PAPPA2: variants seen among roughly 807,000 people sequenced by gnomAD.
The protein encoded by PAPPA2 is pappalysin-2.
PAPPA2 carries 86 observed loss-of-function variants against 176.4 expected under a neutral mutation model. That is an observed-to-expected ratio of 0.49 (90% CI 0.41 to 0.58). The LOEUF (loss-of-function observed/expected upper bound fraction) is 0.58, where lower values mean the gene tolerates loss of function less well. PAPPA2 is among the 20% of genes least tolerant of loss of function. PAPPA2 has a pLI of 0.00. For missense variants in PAPPA2, 2,073 were observed against 2,256.9 expected, an observed-to-expected ratio of 0.92 and a Z score of 1.65; for synonymous variants, 809 against 852.2, an observed-to-expected ratio of 0.95 and a Z score of 0.88.
At chr1:176,602,076 G>A (rs1472403854) in intron 3 of PAPPA2, among the ~76,000 whole-genome samples, 1 of 152,150 alleles carries the variant, frequency 6.6e-6, no homozygotes, top group Non-Finnish European at 1.5e-5. Flanking sequence ...CAATCATCTA[G>A]TGTCTGACCA....
intron 3 of PAPPA2, among the ~76,000 whole-genome samples, chr1:176,598,850 G>GT (rs891475755): frequency 3.3e-5 from 5 of 151,900 alleles, no homozygotes; most frequent in African/African-American, 4.8e-5. Flanking sequence ...TCTTCAATGC[G>GT]TTTTTTTGGG....
At chr1:176,613,924 C>T (rs1024034024) in intron 3 of PAPPA2, among the ~76,000 whole-genome samples, 4 of 152,188 alleles carry the variant, frequency 2.6e-5, no homozygotes, top group African/African-American at 9.7e-5. Flanking sequence ...CAAACAGCAT[C>T]TCTTTTTGCA....
At chr1:176,701,475 T>G (rs1257663718) in intron 8 of PAPPA2, among the ~76,000 whole-genome samples, 1 of 152,208 alleles carries the variant, frequency 6.6e-6, no homozygotes, top group Non-Finnish European at 1.5e-5. Context: ...ATGAGAGGTT[T>G]GCTTCTCTGG....
chr1:176,654,740 A>G (rs1037886572), intron 3 of PAPPA2, among the ~76,000 whole-genome samples: 7 of 151,672 alleles, frequency 4.6e-5, no homozygotes, highest in Admixed American at 1.3e-4. Flanking sequence ...TGCATCATCT[A>G]CAATTTTATA....
chr1:176,604,434 G>A (rs924709714), intron 3 of PAPPA2, among the ~76,000 whole-genome samples: 1 of 152,168 alleles, frequency 6.6e-6, no homozygotes, highest in African/African-American at 2.4e-5. Context: ...GTTAAAAAAA[G>A]GAATGTTCTT....
At chr1:176,689,685 C>T (rs1301751451) in intron 4 of PAPPA2, among the ~76,000 whole-genome samples, 1 of 152,184 alleles carries the variant, frequency 6.6e-6, no homozygotes, top group Non-Finnish European at 1.5e-5. Context: ...ATCAGATTTC[C>T]TTGACTCCAA....
chr1:176,481,589 A>G (rs975058513), intron 1 of PAPPA2, among the ~76,000 whole-genome samples: 4 of 152,200 alleles, frequency 2.6e-5, no homozygotes, highest in Non-Finnish European at 5.9e-5. Context: ...TCTGCTGCAG[A>G]CTTCATCAAA....
chr1:176,722,925 A>G (rs1661691124), intron 12 of PAPPA2, among the ~76,000 whole-genome samples: 2 of 152,178 alleles, frequency 1.3e-5, no homozygotes, highest in Admixed American at 1.3e-4. Flanking sequence ...ACCGTGTTTT[A>G]GTCTGCCTTC....
chr1:176,702,798 AG>A, intron 9 of PAPPA2, 63 bp downstream of exon 9: 3 of 1,500,598 alleles, frequency 2.0e-6, no homozygotes, highest in Non-Finnish European at 2.7e-6. Context: ...AGAGAGAGAG[AG>A]AGAGGGAGGG....
At chr1:176,741,305 A>G (rs865972531) in intron 14 of PAPPA2, among the ~76,000 whole-genome samples, 41 of 152,216 alleles carry the variant, frequency 2.7e-4, no homozygotes, top group African/African-American at 9.6e-4. Context: ...TGTGGCTACT[A>G]TCAGGCCTCA....
intron 21 of PAPPA2, among the ~76,000 whole-genome samples, chr1:176,815,410 C>G (rs982568436): frequency 6.6e-6 from 1 of 152,084 alleles, no homozygotes; most frequent in Non-Finnish European, 1.5e-5. Flanking sequence ...CAGTTCCTAC[C>G]CCTCTGCTCC....
intron 3 of PAPPA2, among the ~76,000 whole-genome samples, chr1:176,633,776 G>A (rs947571067): frequency 2.3e-4 from 35 of 152,094 alleles, no homozygotes; most frequent in African/African-American, 7.2e-4. Flanking sequence ...TCAAAAAGTG[G>A]GCAAAGGATA....
chr1:176,706,526 G>T, intron 10 of PAPPA2, 76 bp downstream of exon 10: 1 of 1,228,608 alleles, frequency 8.1e-7, no homozygotes, highest in Admixed American at 1.9e-5. Context: ...TTGATATCCT[G>T]TAACATCTAG....
intron 4 of PAPPA2, among the ~76,000 whole-genome samples, chr1:176,676,342 G>A (rs1387652286): frequency 1.3e-4 from 20 of 151,970 alleles, no homozygotes; most frequent in Admixed American, 1.3e-3. Flanking sequence ...AATGGCAAAA[G>A]TGTCCTTCAG....
chr1:176,616,348 A>G (rs1475575424), intron 3 of PAPPA2: 1 of 565,704 alleles, frequency 1.8e-6, no homozygotes, highest in Non-Finnish European at 3.4e-6. Flanking sequence ...TTCTCCAAAT[A>G]CAAAAGTTGC....
intron 2 of PAPPA2, among the ~76,000 whole-genome samples, chr1:176,593,382 C>A (rs1332738270): frequency 6.6e-6 from 1 of 152,124 alleles, no homozygotes; most frequent in Non-Finnish European, 1.5e-5. Flanking sequence ...GGTATCTGAT[C>A]CAAAGACTAG....
Position 176,710,162 on chromosome 1 carries a change from G to C in PAPPA2, c.3637G>C (p.Glu1213Gln). ...KKCPVSLVTG[E>Q]PHSLICTSYH... is the part of the protein sequence containing the mutation. ...GTGTCCTGTTTCCTTGGTAACTGGA[G>C]AACCTCATTCCCTAGTAAGTTAAGC... is the stretch of plus-strand genomic sequence containing the variant. The change falls in exon 11 of 23, where the codon GAA (glutamate) becomes CAA (glutamine). Residue 1213 changes from glutamate to glutamine, a missense_variant. Around this residue, in one of 4 missense-constraint regions of PAPPA2, gnomAD observed 846 missense variants for 857.9 expected, o/e 0.99. Transcript: ENST00000367662. The C allele has an allele frequency of 1.2e-6, 2 of 1,613,368 alleles. No homozygotes were observed. Among genetic ancestry groups the C allele is most frequent in the Non-Finnish European group, 1.7e-6 (2 of 1,179,590 alleles).
chr1:176,609,628 T>G (rs969066816), intron 3 of PAPPA2, among the ~76,000 whole-genome samples: 1 of 152,300 alleles, frequency 6.6e-6, no homozygotes, highest in East Asian at 1.9e-4. Context: ...CTGAACTGAA[T>G]GAGTTAGGCA....
intron 9 of PAPPA2, among the ~76,000 whole-genome samples, chr1:176,705,515 T>G (rs574138276): frequency 6.6e-6 from 1 of 152,120 alleles, no homozygotes. Flanking sequence ...ATTTTGAGCA[T>G]GAAAAAAGTC....
Sources: allele counts gnomAD v4.1 joint callset (sites outside exome capture counted in the v4.1 genomes callset), GRCh38; gene constraint gnomAD v4.1.1; regional missense constraint gnomAD v4.1.1; transcripts MANE v1.5; gene names NCBI Gene and HGNC (gene_info 2026-07-23, HGNC 2026-07-21).